Variants in CNBD1 observed in about 807,000 individuals in gnomAD.
CNBD1 encodes the protein cyclic nucleotide-binding domain-containing protein 1.
A neutral mutation model predicts 54.4 loss-of-function variants in CNBD1; 71 were observed. That is an observed-to-expected ratio of 1.30 (90% CI 1.08 to 1.59). The LOEUF is 1.59. Among genes scored for constraint, CNBD1 ranks in the 40% most tolerant of loss-of-function variants. The probability of loss-of-function intolerance (pLI) is 0.00; values close to 1 mark genes in which losing one functional copy is unlikely to be tolerated. For missense variants in CNBD1, 659 were observed against 518.0 expected, an observed-to-expected ratio of 1.27 and a Z score of -2.64; for synonymous variants, 182 against 170.7, an observed-to-expected ratio of 1.07 and a Z score of -0.51.
intron 4 of CNBD1, among the ~76,000 whole-genome samples, chr8:87,045,287 G>A (rs1406553123): frequency 6.6e-6 from 1 of 152,174 alleles, no homozygotes; most frequent in Non-Finnish European, 1.5e-5. Flanking sequence ...TCCCAGTAAA[G>A]GAGAGCTAAC....
intron 2 of CNBD1, among the ~76,000 whole-genome samples, chr8:86,893,021 A>G (rs1808795882): frequency 6.6e-6 from 1 of 152,166 alleles, no homozygotes; most frequent in Non-Finnish European, 1.5e-5. Context: ...AAATGATCTG[A>G]GCTTCGAGCC....
chr8:86,915,845 T>C (rs1475001072), intron 3 of CNBD1, among the ~76,000 whole-genome samples: 1 of 152,196 alleles, frequency 6.6e-6, no homozygotes, highest in Non-Finnish European at 1.5e-5. Context: ...TGGGCATTAG[T>C]TACCTTATAT....
At chr8:87,373,568 T>C (rs1810863928) in intron 10 of CNBD1, among the ~76,000 whole-genome samples, 1 of 151,966 alleles carries the variant, frequency 6.6e-6, no homozygotes, top group East Asian at 1.9e-4. Context: ...AGATGACTGG[T>C]ATGTAAAGTT....
At chr8:87,309,505 A>T (rs933071361) in intron 8 of CNBD1, among the ~76,000 whole-genome samples, 3 of 152,118 alleles carry the variant, frequency 2.0e-5, no homozygotes, top group Non-Finnish European at 4.4e-5. Flanking sequence ...CTGCCTTCAT[A>T]TGATTTCGGG....
At chr8:87,164,980 T>C (rs1812931774) in intron 4 of CNBD1, among the ~76,000 whole-genome samples, 6 of 152,050 alleles carry the variant, frequency 3.9e-5, no homozygotes, top group Admixed American at 3.9e-4. Context: ...TGTGTTTCCA[T>C]TTTCATAAGT....
chr8:87,062,160 T>C (rs1314858914), intron 4 of CNBD1, among the ~76,000 whole-genome samples: 1 of 152,228 alleles, frequency 6.6e-6, no homozygotes, highest in African/African-American at 2.4e-5. Context: ...CAACTAGGGT[T>C]ACTTTCAATT....
chr8:87,329,032 C>G (rs1196475303), intron 8 of CNBD1, among the ~76,000 whole-genome samples: 3 of 146,602 alleles, frequency 2.0e-5, no homozygotes, highest in African/African-American at 7.5e-5. Context: ...TTATACTTTT[C>G]TCCTAGGAGT....
At chr8:86,989,369 C>A (rs1381782408) in intron 4 of CNBD1, among the ~76,000 whole-genome samples, 2 of 151,838 alleles carry the variant, frequency 1.3e-5, no homozygotes, top group African/African-American at 4.8e-5. Flanking sequence ...GATATGCTGA[C>A]TTCCTTTCTT....
At chr8:86,879,317 A>G (rs1051717473) in intron 1 of CNBD1, among the ~76,000 whole-genome samples, 1 of 152,228 alleles carries the variant, frequency 6.6e-6, no homozygotes, top group South Asian at 2.1e-4. Context: ...CTGAAGAAAC[A>G]TAGATATAAA....
At chr8:87,184,080 G>T (rs1813423033) in intron 4 of CNBD1, among the ~76,000 whole-genome samples, 1 of 152,194 alleles carries the variant, frequency 6.6e-6, no homozygotes, top group Non-Finnish European at 1.5e-5. Context: ...TGGCCAATGG[G>T]GTGACAGAAG....
intron 10 of CNBD1, among the ~76,000 whole-genome samples, chr8:87,372,136 C>G (rs200457737): frequency 1.3e-5 from 2 of 151,924 alleles, no homozygotes; most frequent in Non-Finnish European, 2.9e-5. Flanking sequence ...CAACTTCAGC[C>G]AAGTCTCAGG....
chr8:87,241,268 A>AGTTTTTTTTTTTTTTT (rs1807696523), intron 6 of CNBD1, among the ~76,000 whole-genome samples: 1 of 93,864 alleles, frequency 1.1e-5, no homozygotes, highest in African/African-American at 4.9e-5. Context: ...TATTTGGAAG[A>AGTTTTTTTTTTTTTTT]TTTTTTTTTT....
chr8:86,954,827 A>C (rs1176244706), intron 4 of CNBD1, among the ~76,000 whole-genome samples: 8 of 152,144 alleles, frequency 5.3e-5, no homozygotes, highest in Admixed American at 5.2e-4. Flanking sequence ...AAAGTTGAAC[A>C]ATTTTCTTCT....
chr8:87,225,327 T>C (rs2130813412), intron 5 of CNBD1, among the ~76,000 whole-genome samples: 1 of 151,430 alleles, frequency 6.6e-6, no homozygotes, highest in South Asian at 2.1e-4. Context: ...GTGCCAGTTT[T>C]CAAAGGGAAT....
intron 6 of CNBD1, among the ~76,000 whole-genome samples, chr8:87,252,008 C>G (rs551923330): frequency 6.6e-6 from 1 of 151,970 alleles, no homozygotes; most frequent in Non-Finnish European, 1.5e-5. Flanking sequence ...TCATCTATTC[C>G]CACATAAATT....
chr8:87,333,501 G>T (rs1257971398), intron 8 of CNBD1, among the ~76,000 whole-genome samples: 1 of 152,046 alleles, frequency 6.6e-6, no homozygotes, highest in Non-Finnish European at 1.5e-5. Flanking sequence ...GTATGATATT[G>T]GCTGTGGGTT....
At chr8:86,934,774 A>G (rs1169355917) in intron 3 of CNBD1, among the ~76,000 whole-genome samples, 2 of 152,186 alleles carry the variant, frequency 1.3e-5, no homozygotes, top group Non-Finnish European at 2.9e-5. Flanking sequence ...ATCCTGGAAT[A>G]GTATTCCTGA....
intron 2 of CNBD1, among the ~76,000 whole-genome samples, chr8:87,413,290 A>T (rs1305132849): frequency 6.6e-6 from 1 of 152,050 alleles, no homozygotes; most frequent in Non-Finnish European, 1.5e-5. Context: ...TGGGGTCCCA[A>T]GATTCTATTT....
At chr8:87,050,800 A>G (rs907095539) in intron 4 of CNBD1, among the ~76,000 whole-genome samples, 4 of 152,142 alleles carry the variant, frequency 2.6e-5, no homozygotes, top group Non-Finnish European at 5.9e-5. Context: ...CTGCACTCCT[A>G]ATATTGGATG....
Sources: allele counts gnomAD v4.1 joint callset (sites outside exome capture counted in the v4.1 genomes callset), GRCh38; gene constraint gnomAD v4.1.1; transcripts MANE v1.5; gene names NCBI Gene and HGNC (gene_info 2026-07-23, HGNC 2026-07-21).